The following COL19A1 variants were observed in gnomAD, a reference collection of about 807,000 sequenced individuals.
The protein encoded by COL19A1 is collagen alpha-1(XIX) chain.
A neutral mutation model predicts 190.2 loss-of-function variants in COL19A1; 159 were observed. The observed-to-expected ratio is 0.84, with a 90% CI of 0.73 to 0.95. COL19A1 has a LOEUF of 0.95. COL19A1 is among the 40% of genes least tolerant of loss of function. The probability of loss-of-function intolerance (pLI) is 0.00; values close to 1 mark genes in which losing one functional copy is unlikely to be tolerated. For missense variants in COL19A1, 1,418 were observed against 1,431.9 expected, an observed-to-expected ratio of 0.99 and a Z score of 0.16; for synonymous variants, 509 against 458.9, an observed-to-expected ratio of 1.11 and a Z score of -1.39.
At chr6:70,200,319 T>A (rs185551996) in intron 49 of COL19A1, among the ~76,000 whole-genome samples, 1 of 152,244 alleles carries the variant, frequency 6.6e-6, no homozygotes, top group Non-Finnish European at 1.5e-5. Flanking sequence ...TTTGTTCCAC[T>A]TATGACAACT....
chr6:70,073,808 T>G (rs1562145466), intron 15 of COL19A1, among the ~76,000 whole-genome samples: 1 of 152,170 alleles, frequency 6.6e-6, no homozygotes, highest in Non-Finnish European at 1.5e-5. Context: ...ACCTCAAAAT[T>G]TGTTTGATGA....
intron 2 of COL19A1, among the ~76,000 whole-genome samples, chr6:69,884,296 C>T (rs761730288): frequency 2.4e-4 from 36 of 150,560 alleles, no homozygotes; most frequent in Admixed American, 1.4e-3. Context: ...GACAAGATCA[C>T]GCCATTGCAC....
intron 9 of COL19A1, among the ~76,000 whole-genome samples, chr6:69,950,940 G>A (rs1018042376): frequency 6.6e-6 from 1 of 151,536 alleles, no homozygotes; most frequent in Non-Finnish European, 1.5e-5. Context: ...TTTCTAAGTA[G>A]GAATAATTAT....
chr6:70,186,709 A>ATC lies in COL19A1; in HGVS notation c.2857-1345_2857-1344dup, dbSNP rs141792412. Among the ~76,000 whole-genome samples, 267 of 148,370 alleles carry ATC rather than the reference A, an allele frequency of 1.8e-3. 2 individuals carry two copies. The highest frequency in any genetic ancestry group is 7.7e-3 in the South Asian group (36 of 4,672). Reference sequence around the variant, plus strand: ...ATTTATGACTGAAGCAACTGCCATGATCTCTCTCTCTCTCTCTCTCTCATT... The same window carrying ATC: ...ATTTATGACTGAAGCAACTGCCATGATCTCTCTCTCTCTCTCTCTCTCTCATT... On this transcript the variant is annotated intron_variant, in intron 46 of 50. Coordinates refer to ENST00000620364, the MANE Select transcript of COL19A1 (RefSeq NM_001858.6).
intron 11 of COL19A1, among the ~76,000 whole-genome samples, chr6:70,010,596 G>A (rs1777938016): frequency 7.1e-6 from 1 of 141,038 alleles, no homozygotes. Context: ...AGAAAGGGGT[G>A]ACGGACGCAC....
chr6:69,977,464 G>A (rs1463778929), intron 11 of COL19A1, among the ~76,000 whole-genome samples: 12 of 151,780 alleles, frequency 7.9e-5, no homozygotes, highest in African/African-American at 2.7e-4. Context: ...AGATATACCT[G>A]ATGCTAAATG....
At chr6:69,921,964 T>C (rs149600332) in intron 4 of COL19A1, among the ~76,000 whole-genome samples, 6 of 152,156 alleles carry the variant, frequency 3.9e-5, no homozygotes, top group African/African-American at 1.4e-4. Flanking sequence ...CCATTCAAAA[T>C]ATTCAAGCAT....
At chr6:70,085,702 A>G (rs549197387) in intron 15 of COL19A1, among the ~76,000 whole-genome samples, 1 of 152,164 alleles carries the variant, frequency 6.6e-6, no homozygotes, top group South Asian at 2.1e-4. Flanking sequence ...ATATGTCAGA[A>G]GGCTTTTTTA....
chr6:70,160,844 T>G (rs1401386415), intron 34 of COL19A1, among the ~76,000 whole-genome samples: 1 of 152,194 alleles, frequency 6.6e-6, no homozygotes, highest in Admixed American at 6.5e-5. Flanking sequence ...GTTTAAAAAT[T>G]TAGACCCTGT....
intron 14 of COL19A1, among the ~76,000 whole-genome samples, chr6:70,065,256 A>G (rs907275616): frequency 1.3e-5 from 2 of 152,196 alleles, no homozygotes; most frequent in Non-Finnish European, 2.9e-5. Context: ...GTACCAAAAC[A>G]GAGATATAGA....
chr6:70,130,068 A>G, intron 17 of COL19A1, 114 bp from the exon 18 acceptor site: 1 of 967,196 alleles, frequency 1.0e-6, no homozygotes, highest in East Asian at 2.5e-5. Context: ...ATGACCTAGT[A>G]TCCATAAAAA....
chr6:70,207,007 A>G (rs745805850), intron 50 of COL19A1, 29 bp downstream of exon 50: 4 of 1,610,408 alleles, frequency 2.5e-6, no homozygotes, highest in Admixed American at 1.7e-5. Context: ...TCACAACACA[A>G]GCAAGCCTTT....
intron 42 of COL19A1, among the ~76,000 whole-genome samples, chr6:70,177,389 A>T (rs1765881686): frequency 6.6e-6 from 1 of 152,028 alleles, no homozygotes; most frequent in Non-Finnish European, 1.5e-5. Context: ...AGATCTACTG[A>T]CACCCAACAC....
At chr6:69,868,317 G>A (rs1383310133) in intron 1 of COL19A1, among the ~76,000 whole-genome samples, 1 of 152,000 alleles carries the variant, frequency 6.6e-6, no homozygotes, top group African/African-American at 2.4e-5. Flanking sequence ...CTTTGATATG[G>A]GCCTGCAAAG....
intron 4 of COL19A1, among the ~76,000 whole-genome samples, chr6:69,917,664 C>T (rs374167448): frequency 4.6e-5 from 7 of 151,978 alleles, no homozygotes; most frequent in East Asian, 3.9e-4. Context: ...AATCTTAGAC[C>T]GTTCAAGGGA....
chr6:70,165,864 G>A (rs1216799294), intron 36 of COL19A1, 77 bp from the exon 37 acceptor site: 42 of 1,321,150 alleles, frequency 3.2e-5, no homozygotes, highest in African/African-American at 4.3e-5. Context: ...ATGGCTCTGT[G>A]ATTAATTTCA....
At chr6:69,982,960 AGACTCTGTCT>A (rs1161105105) in intron 11 of COL19A1, among the ~76,000 whole-genome samples, 6 of 149,804 alleles carry the variant, frequency 4.0e-5, no homozygotes, top group Non-Finnish European at 5.9e-5. Context: ...CAACAGAGCG[AGACTCTGTCT>A]CAAAAATAAA....
At chr6:69,931,638 G>A (rs143886021) in intron 6 of COL19A1, among the ~76,000 whole-genome samples, 222 of 152,152 alleles carry the variant, frequency 1.5e-3, no homozygotes, top group Non-Finnish European at 2.5e-3. Context: ...ATGTAAGACG[G>A]TGTATTTAAA....
rs1423422214 is a variant in COL19A1, at chr6:70,055,110, A to G, written c.1171-13313A>G. ...GAAGAAAGAATAATATGGCTTTTAA[A>G]CATATGAAATAGACCTAAATTCACT... On this transcript the variant is annotated intron_variant, in intron 14 of 50. Transcript: ENST00000620364. Among the ~76,000 whole-genome samples the G allele has an allele frequency of 2.0e-5, 3 of 152,210 alleles. No homozygotes were observed. The South Asian group carries it at 6.2e-4, about 31-fold the overall frequency.
Sources: allele counts gnomAD v4.1 joint callset (sites outside exome capture counted in the v4.1 genomes callset), GRCh38; gene constraint gnomAD v4.1.1; transcripts MANE v1.5; gene names NCBI Gene and HGNC (gene_info 2026-07-23, HGNC 2026-07-21).